The following STAT1 variants were observed in gnomAD, a reference collection of about 807,000 sequenced individuals.
STAT1 encodes signal transducer and activator of transcription 1-alpha/beta.
STAT1 carries 24 observed loss-of-function variants against 111.7 expected under a neutral mutation model. The observed-to-expected ratio is 0.21, with a 90% CI of 0.16 to 0.30. The LOEUF is 0.30. Ranked by LOEUF, STAT1 falls within the 10% of genes least tolerant of loss-of-function variation. The probability of loss-of-function intolerance (pLI) is 1.00; values close to 1 mark genes in which losing one functional copy is unlikely to be tolerated. For missense variants in STAT1, 351 were observed against 911.9 expected (o/e 0.38, Z 7.92); for synonymous variants, 332 against 326.5 (o/e 1.02, Z -0.18).
At chr2:190,988,913 G>C (rs1358829137) in intron 12 of STAT1, among the ~76,000 whole-genome samples, 1 of 151,930 alleles carries the variant, frequency 6.6e-6, no homozygotes, top group Non-Finnish European at 1.5e-5. Flanking sequence ...GGAGGGGTGG[G>C]GGGGGAGCCA....
chr2:191,013,258 T>G (rs2125112357), intron 2 of STAT1, among the ~76,000 whole-genome samples: 1 of 152,366 alleles, frequency 6.6e-6, no homozygotes, highest in African/African-American at 2.4e-5. Flanking sequence ...AAGTCCTGTT[T>G]CTGTTCTATG....
intron 6 of STAT1, 23 bp downstream of exon 6, chr2:191,001,051 G>A: frequency 1.3e-6 from 2 of 1,558,920 alleles, no homozygotes; most frequent in Non-Finnish European, 1.8e-6. Flanking sequence ...CAGAATAAAT[G>A]CATGTGTTTA....
In STAT1 at chr2:191,006,335, G is replaced by C. The variant is rs954263991; in HGVS notation, c.372+1228C>G. ...GTTGATATACACCTTTGTTCCCTAGGCTGGGTACCAGATGAGCTAGCCAGC... is the reference window on the plus strand; with the variant it reads ...GTTGATATACACCTTTGTTCCCTAGCCTGGGTACCAGATGAGCTAGCCAGC... On this transcript the variant is annotated intron_variant, in intron 5 of 24. Transcript: ENST00000361099. This position sits in a 1 kb window ranked among gnomAD's most constrained non-coding sequence, Gnocchi z 4.6. Among the ~76,000 whole-genome samples, 2 of 152,178 alleles carry C rather than the reference G, an allele frequency of 1.3e-5. No homozygotes were observed. The highest frequency in any genetic ancestry group is 4.8e-5 in the African/African-American group (2 of 41,436).
At chr2:190,994,151 G>A (rs1421032727) in intron 10 of STAT1, among the ~76,000 whole-genome samples, 4 of 152,168 alleles carry the variant, frequency 2.6e-5, no homozygotes, top group Non-Finnish European at 5.9e-5. Context: ...AGGCTCTGAG[G>A]AAGAGGAAGT....
chr2:190,981,413 C>T lies in STAT1; in HGVS notation c.1583-744G>A, dbSNP rs937212669. Among the ~76,000 whole-genome samples, 5 of 152,166 alleles carry T rather than the reference C, an allele frequency of 3.3e-5. No homozygotes were observed. Among genetic ancestry groups the T allele is most frequent in the Non-Finnish European group, 5.9e-5 (4 of 68,030 alleles). On this transcript the variant is annotated intron_variant, in intron 18 of 24. Coordinates refer to ENST00000361099, the MANE Select transcript of STAT1 (RefSeq NM_007315.4). This position sits in a 1 kb window ranked among gnomAD's most constrained non-coding sequence, Gnocchi z 4.1. Reference sequence around the variant, plus strand: ...AAGTGAGAGAAACGAGAGGAAGAAGCCCGGGGTTATTAGCTACACAAATTA... The same window carrying T: ...AAGTGAGAGAAACGAGAGGAAGAAGTCCGGGGTTATTAGCTACACAAATTA...
rs1694413713 is a variant in STAT1, at chr2:191,003,226, A to G, written c.373-2063T>C. Among the ~76,000 whole-genome samples the G allele has an allele frequency of 6.6e-6, 1 of 152,242 alleles. No individual in the cohort carries two copies. Among genetic ancestry groups the G allele is most frequent in the Non-Finnish European group, 1.5e-5 (1 of 68,044 alleles). On this transcript the variant is annotated intron_variant, in intron 5 of 24. Coordinates refer to ENST00000361099, the MANE Select transcript of STAT1 (RefSeq NM_007315.4). This position sits in a 1 kb window ranked among gnomAD's most constrained non-coding sequence, Gnocchi z 4.0. ...GTATCAGCTGTAAAGTGTGTATTAG[A>G]AATACATGAATGTTACTGGTATCCT...
In STAT1 at chr2:190,987,195, T is replaced by C. The variant is rs1692917964; in HGVS notation, c.1098-127A>G. On this transcript the variant is annotated intron_variant, in intron 12 of 24. Coordinates refer to ENST00000361099, the MANE Select transcript of STAT1 (RefSeq NM_007315.4). This position sits in a 1 kb window ranked among gnomAD's most constrained non-coding sequence, Gnocchi z 4.0. ...TGAATAAAAAATAAATCTACACCTATGGATTTGCAGCCTTTCATTCACTCC... is the reference window on the plus strand; with the variant it reads ...TGAATAAAAAATAAATCTACACCTACGGATTTGCAGCCTTTCATTCACTCC... The C allele has an allele frequency of 2.6e-6, 2 of 763,338 alleles. No individual in the cohort carries two copies. Among genetic ancestry groups the C allele is most frequent in the Non-Finnish European group, 4.4e-6 (2 of 452,500 alleles). The allele number at this position is 763,338 out of a possible 1,614,324, so 47.3% of individuals were successfully genotyped here.
intron 2 of STAT1, chr2:191,010,311 C>G (rs1010214991): frequency 2.7e-5 from 13 of 480,366 alleles, no homozygotes; most frequent in Non-Finnish European, 5.6e-5. Flanking sequence ...GAAACATGCT[C>G]TCTCTTTTCC....
At chr2:191,002,373 C>T (rs1694340344) in intron 5 of STAT1, among the ~76,000 whole-genome samples, 1 of 152,120 alleles carries the variant, frequency 6.6e-6, no homozygotes, top group African/African-American at 2.4e-5. Context: ...TCCCATTGGC[C>T]TTTTTATTCA....
At chr2:190,994,089 C>T (rs1201941033) in intron 10 of STAT1, among the ~76,000 whole-genome samples, 1 of 152,104 alleles carries the variant, frequency 6.6e-6, no homozygotes, top group Non-Finnish European at 1.5e-5. Context: ...TGATGAGATA[C>T]AAGGTGAAGC....
chr2:191,010,418 G>A, intron 2 of STAT1: 1 of 470,558 alleles, frequency 2.1e-6, no homozygotes. Flanking sequence ...AGGGATGGAT[G>A]TTGGTGGAGG....
chr2:190,983,626 A>C lies in STAT1; in HGVS notation c.1446+16T>G. The C allele has an allele frequency of 6.2e-7, 1 of 1,612,202 alleles. No individual in the cohort carries two copies. The highest frequency in any genetic ancestry group is 8.5e-7 in the Non-Finnish European group (1 of 1,178,256). On this transcript the variant is annotated intron_variant, in intron 17 of 24. Coordinates refer to ENST00000361099, the MANE Select transcript of STAT1 (RefSeq NM_007315.4). The surrounding 1 kb of genome is among the most constrained non-coding windows in gnomAD (Gnocchi z 5.7). The stretch of plus-strand genomic sequence containing the variant: ...TCTGCTTAACCCTGGGACCAAAGCA[A>C]ATGTGTTTTCCATACCCTGGGTTCC...
rs929296175 is a variant in STAT1 at position 190,997,656 on chromosome 2, C to T, written c.785+200G>A. Among the ~76,000 whole-genome samples, 5 of 152,154 alleles carry T rather than the reference C, an allele frequency of 3.3e-5. No homozygotes were observed. The highest frequency in any genetic ancestry group is 9.7e-5 in the African/African-American group (4 of 41,420). On this transcript the variant is annotated intron_variant, in intron 9 of 24. Coordinates refer to ENST00000361099, the MANE Select transcript of STAT1 (RefSeq NM_007315.4). This position sits in a 1 kb window ranked among gnomAD's most constrained non-coding sequence, Gnocchi z 7.3. ...ACAGGAGTGCTCCAAACCAAGCAGA[C>T]GTGGCTGAACGTGGCGAGAGTCATG...
chr2:190,999,351 G>A lies in STAT1; in HGVS notation c.541+275C>T, dbSNP rs1694091603. On this transcript the variant is annotated intron_variant, in intron 7 of 24. Coordinates refer to ENST00000361099, the MANE Select transcript of STAT1 (RefSeq NM_007315.4). This position sits in a 1 kb window ranked among gnomAD's most constrained non-coding sequence, Gnocchi z 4.1. ...GCAATCTCTGGAGACAGTTTTGGTT[G>A]TCACTAGTGAGGGCTCCTGGGTAGT... Among the ~76,000 whole-genome samples the A allele has an allele frequency of 6.6e-6, 1 of 152,138 alleles. No homozygotes were observed. Among genetic ancestry groups the A allele is most frequent in the African/African-American group, 2.4e-5 (1 of 41,428 alleles).
chr2:190,995,043 A>C lies in STAT1; in HGVS notation c.944+18T>G. The C allele has an allele frequency of 1.2e-6, 2 of 1,612,920 alleles. No individual in the cohort carries two copies. The highest frequency in any genetic ancestry group is 8.5e-7 in the Non-Finnish European group (1 of 1,179,238). ...TAGACCGATTACAGAAGGTACAAAT[A>C]AATGTCCCTTGAGTTACCTCTGAAT... is the stretch of plus-strand genomic sequence containing the variant. On this transcript the variant is annotated intron_variant, in intron 10 of 24. Coordinates refer to ENST00000361099, the MANE Select transcript of STAT1 (RefSeq NM_007315.4). The surrounding 1 kb of genome is among the most constrained non-coding windows in gnomAD (Gnocchi z 4.2).
chr2:190,992,703 G>T (rs1693466758), intron 10 of STAT1: 2 of 1,266,140 alleles, frequency 1.6e-6, no homozygotes, highest in East Asian at 2.8e-5. Context: ...GGACTTCTCA[G>T]CACCACCAGC....
At position 190,998,194 on chromosome 2, in the gene STAT1, T is replaced by G; in HGVS notation, c.633+23A>C. On this transcript the variant is annotated intron_variant, in intron 8 of 24. Transcript: ENST00000361099. This position sits in a 1 kb window ranked among gnomAD's most constrained non-coding sequence, Gnocchi z 4.1. Reference sequence around the variant, plus strand: ...ACAGTGTATAACAAAAGTGGCATGCTATTCTGGAAAGTAAATAACTACCTT... The same window carrying G: ...ACAGTGTATAACAAAAGTGGCATGCGATTCTGGAAAGTAAATAACTACCTT... The G allele has an allele frequency of 6.2e-7, 1 of 1,601,354 alleles. No individual in the cohort carries two copies. The highest frequency in any genetic ancestry group is 8.6e-7 in the Non-Finnish European group (1 of 1,168,718).
Position 190,995,339 on chromosome 2 carries a change from G to T in STAT1, c.786-120C>A. On this transcript the variant is annotated intron_variant, in intron 9 of 24. Coordinates refer to ENST00000361099, the MANE Select transcript of STAT1 (RefSeq NM_007315.4). This position sits in a 1 kb window ranked among gnomAD's most constrained non-coding sequence, Gnocchi z 4.2. ...TGCTAATAAAGACATACTCGAGACTGGAGAATTTATAAAGGAAAGAGGTTT... is the reference window on the plus strand; with the variant it reads ...TGCTAATAAAGACATACTCGAGACTTGAGAATTTATAAAGGAAAGAGGTTT... 1 of 1,035,566 alleles carries T rather than the reference G, an allele frequency of 9.7e-7. No individual in the cohort carries two copies. Among genetic ancestry groups the T allele is most frequent in the Non-Finnish European group, 1.5e-6 (1 of 672,218 alleles). 64.1% of individuals were successfully genotyped at this position (1,035,566 alleles called of 1,614,324 possible). A position where few individuals can be genotyped will look rare whatever the true frequency, so the allele number is the denominator to read the frequency against.
In STAT1 at chr2:190,978,845, C is replaced by G. The variant is rs761906729; in HGVS notation, c.1873+11G>C. The G allele has an allele frequency of 6.2e-7, 1 of 1,613,720 alleles. No homozygotes were observed. Among genetic ancestry groups the G allele is most frequent in the Non-Finnish European group, 8.5e-7 (1 of 1,179,908 alleles). ...GGAATGGTGGGACTATGTGCTCAAA[C>G]TCCCACTCACCGCCTCCGTTCTGGG... On this transcript the variant is annotated intron_variant, in intron 21 of 24. Coordinates refer to ENST00000361099, the MANE Select transcript of STAT1 (RefSeq NM_007315.4). The surrounding 1 kb of genome is among the most constrained non-coding windows in gnomAD (Gnocchi z 6.1).
Sources: gnomAD v4.1 joint callset for allele counts (sites outside exome capture counted in the v4.1 genomes callset) on GRCh38, gnomAD v4.1.1 for gene constraint, Gnocchi (gnomAD v3.1) non-coding constraint, MANE v1.5 for transcripts, NCBI Gene and HGNC (gene_info 2026-07-23, HGNC 2026-07-21) for gene names.